Variants in AARSD1 observed in about 807,000 individuals in gnomAD.
AARSD1 encodes the protein alanyl-tRNA synthetase domain containing 1.
A neutral mutation model predicts 48.7 loss-of-function variants in AARSD1; 44 were observed. The ratio of observed to expected loss-of-function variants is 0.90; its 90% CI spans 0.71 to 1.16. The LOEUF (loss-of-function observed/expected upper bound fraction) is 1.16, where lower values mean the gene tolerates loss of function less well. Among genes scored for constraint, AARSD1 ranks in the 50% most tolerant of loss-of-function variants. AARSD1 has a pLI of 0.00. For missense variants in AARSD1, 511 were observed against 523.1 expected (o/e 0.98, Z 0.23); for synonymous variants, 189 against 194.9 (o/e 0.97, Z 0.25).
chr17:42,953,178 C>T (rs1277810118), intron 10 of AARSD1, among the ~76,000 whole-genome samples: 1 of 151,980 alleles, frequency 6.6e-6, no homozygotes, highest in African/African-American at 2.4e-5. Flanking sequence ...TAGGGTTTTA[C>T]CATGTTGCCC....
chr17:42,964,240 G>GCCC lies in AARSD1; in HGVS notation c.40-4_40-3insGGG. 3 of 1,610,294 alleles carry GCCC rather than the reference G, an allele frequency of 1.9e-6. No individual in the cohort carries two copies. In the South Asian group the frequency reaches 3.3e-5, roughly 18 times the overall value. On this transcript the variant is annotated splice_region_variant and splice_polypyrimidine_tract_variant and intron_variant, in intron 1 of 11. Coordinates refer to ENST00000427569, the MANE Select transcript of AARSD1 (RefSeq NM_001261434.2). ...CAGGAGACCACGGTGGTGGTGAACT[G>GCCC]AACAGAGAGGAATGAGAGAATAAGC...
chr17:42,954,263 C>T (rs980587712), intron 9 of AARSD1, among the ~76,000 whole-genome samples: 10 of 151,864 alleles, frequency 6.6e-5, no homozygotes, highest in African/African-American at 2.2e-4. Context: ...GGCTGAAGCA[C>T]GAGAACCGCT....
At chr17:42,956,122 C>T (rs1026348765) in intron 6 of AARSD1, 82 bp downstream of exon 6, 20 of 1,610,568 alleles carry the variant, frequency 1.2e-5, no homozygotes, top group Admixed American at 1.7e-5. Flanking sequence ...CTCGATTATC[C>T]CCCTCTCCCA....
At position 42,956,414 on chromosome 17, in the gene AARSD1, T is replaced by G. The variant is rs994013193; in HGVS notation, c.536A>C (p.Glu179Ala). The change falls in exon 5 of 12, where the codon GAG (glutamate) becomes GCG (alanine). Residue 179 changes from glutamate (E) to alanine (A), a missense_variant. Glu to Ala is a moderately radical substitution (Grantham distance 107). Coordinates refer to ENST00000427569, the MANE Select transcript of AARSD1 (RefSeq NM_001261434.2). ...TGGCTCTACCCTTACCTGCTCCACC[T>G]CAGGATCATCCAGGCTCAGTTCTCG... ...NVRELSLDDP[E>A]VEQVSGRGLP... The G allele has an allele frequency of 2.6e-5, 42 of 1,613,914 alleles. No homozygotes were observed. Among genetic ancestry groups the G allele is most frequent in the Non-Finnish European group, 9.3e-6 (11 of 1,180,016 alleles).
intron 11 of AARSD1, 106 bp from the exon 12 acceptor site, chr17:42,950,834 G>T: frequency 6.8e-7 from 1 of 1,463,578 alleles, no homozygotes; most frequent in Non-Finnish European, 9.0e-7. Flanking sequence ...GATAAGAAGA[G>T]TAGATGACTT....
At chr17:42,951,984 G>T in intron 10 of AARSD1, 90 bp from the exon 11 acceptor site, 1 of 1,400,282 alleles carries the variant, frequency 7.1e-7, no homozygotes, top group Non-Finnish European at 1.0e-6. Flanking sequence ...CTTAAGAATA[G>T]ATTATTTCCC....
Position 42,961,335 on chromosome 17 carries a change from G to C in AARSD1, c.188C>G (p.Thr63Arg). 5 of 1,614,078 alleles carry C rather than the reference G, an allele frequency of 3.1e-6. No individual in the cohort carries two copies. Among genetic ancestry groups the C allele is most frequent in the Non-Finnish European group, 4.2e-6 (5 of 1,179,986 alleles). Reference sequence around the variant, plus strand: ...TCTCAGCACAGAGATGTCATTGATTGTACCACGGTCATCAGGCTGGTGGAA... The same window carrying C: ...TCTCAGCACAGAGATGTCATTGATTCTACCACGGTCATCAGGCTGGTGGAA... ...EGGGQPDDRGTINDISVLRVT... is the reference protein window; with the variant it reads ...EGGGQPDDRGRINDISVLRVT... The change falls in exon 3 of 12, where the codon ACA (threonine) becomes AGA (arginine). Residue 63 changes from threonine to arginine, a missense_variant. By Grantham distance (71) the Thr-to-Arg change is moderately conservative. Coordinates refer to ENST00000427569, the MANE Select transcript of AARSD1 (RefSeq NM_001261434.2).
At position 42,956,571 on chromosome 17, in the gene AARSD1, T is replaced by C. The variant is rs756985404; in HGVS notation, c.390-11A>G. On this transcript the variant is annotated splice_polypyrimidine_tract_variant and intron_variant, in intron 4 of 11. Transcript: ENST00000427569. ...AATCTCCCTAACTCCCTGTCAGAAGTACAGTGGCCACAGATAACATATCTT... is the reference window on the plus strand; with the variant it reads ...AATCTCCCTAACTCCCTGTCAGAAGCACAGTGGCCACAGATAACATATCTT... 11 of 1,600,252 alleles carry C rather than the reference T, an allele frequency of 6.9e-6. No homozygotes were observed. The East Asian group carries it at 1.6e-4, about 23-fold the overall frequency.
chr17:42,956,465 AT>A lies in AARSD1; in HGVS notation c.484del (p.Ile162SerfsTer7). The A allele has an allele frequency of 6.2e-7, 1 of 1,613,722 alleles. No homozygotes were observed. Among genetic ancestry groups the A allele is most frequent in the Admixed American group, 1.7e-5 (1 of 59,952 alleles). The stretch of plus-strand genomic sequence containing the variant: ...GACATTCACAGGCAGCCGATCTCTG[AT>A]TTTTTCATTGACGCTCTGCTCAATG... ...AAIEQSVNEK[I>X]RDRLPVNVRE... is the part of the protein sequence containing the mutation. On this transcript the variant is annotated frameshift_variant, in exon 5 of 12. Coordinates refer to ENST00000427569, the MANE Select transcript of AARSD1 (RefSeq NM_001261434.2). LOFTEE classifies it high-confidence loss of function.
chr17:42,956,193 TC>T lies in AARSD1; in HGVS notation c.663+10del, dbSNP rs754268262. 3 of 1,613,988 alleles carry T rather than the reference TC, an allele frequency of 1.9e-6. No homozygotes were observed. In the South Asian group the frequency reaches 3.3e-5, roughly 18 times the overall value. On this transcript the variant is annotated intron_variant, in intron 6 of 11. Coordinates refer to ENST00000427569, the MANE Select transcript of AARSD1 (RefSeq NM_001261434.2). ...CTCTTCTCAGCCACTCCACAGCCGT[TC>T]CTCACTTACCTGAAGGTCACTGAGA...
At chr17:42,960,912 A>T in intron 3 of AARSD1, 1 of 336,184 alleles carries the variant, frequency 3.0e-6, no homozygotes, top group Non-Finnish European at 5.1e-6. Flanking sequence ...CATTTTGGAC[A>T]TTTTGAGTTT....
At chr17:42,964,282 GCC>G in intron 1 of AARSD1, 45 bp from the exon 2 acceptor site, 4 of 1,608,032 alleles carry the variant, frequency 2.5e-6, no homozygotes, top group African/African-American at 1.3e-5. Flanking sequence ...CCCAGCCCTA[GCC>G]CTAGCCCTCT....
intron 6 of AARSD1, 24 bp from the exon 7 acceptor site, chr17:42,955,996 C>A: frequency 1.2e-6 from 2 of 1,607,926 alleles, no homozygotes; most frequent in Non-Finnish European, 1.7e-6. Context: ...GGGGGTAACA[C>A]ACACACACAC....
At chr17:42,953,215 G>C (rs1400037728) in intron 10 of AARSD1, among the ~76,000 whole-genome samples, 1 of 151,848 alleles carries the variant, frequency 6.6e-6, no homozygotes, top group Non-Finnish European at 1.5e-5. Context: ...CCTGAGCTGA[G>C]GCAATCCACC....
intron 7 of AARSD1, 128 bp from the exon 8 acceptor site, chr17:42,955,352 G>A: frequency 8.3e-7 from 1 of 1,197,846 alleles, no homozygotes; most frequent in Non-Finnish European, 1.2e-6. Flanking sequence ...ATATTCTGAG[G>A]AGGTCTCTTA....
At chr17:42,957,272 T>G in intron 3 of AARSD1, 77 bp from the exon 4 acceptor site, 2 of 1,575,446 alleles carry the variant, frequency 1.3e-6, no homozygotes, top group Non-Finnish European at 1.7e-6. Flanking sequence ...TGAGCTACAA[T>G]GATAAAAGCA....
At chr17:42,962,761 G>A (rs2049655834) in intron 2 of AARSD1, among the ~76,000 whole-genome samples, 1 of 152,230 alleles carries the variant, frequency 6.6e-6, no homozygotes, top group African/African-American at 2.4e-5. Context: ...GGCCAGGGCA[G>A]TGGCTCACAC....
intron 8 of AARSD1, 42 bp downstream of exon 8, chr17:42,955,116 G>A: frequency 1.9e-6 from 3 of 1,613,888 alleles, no homozygotes; most frequent in Non-Finnish European, 2.5e-6. Context: ...GCCTATCCTA[G>A]GCAGGGCCCA....
rs759777722 is a variant in AARSD1, at chr17:42,957,196, C to T, written c.332-1G>A. ...GCAACTGCCGTGATGAGATGCTGCC[C>T]TAAGCAAAGAGAGCCAGAGACAGGA... On this transcript the variant is annotated splice_acceptor_variant, in intron 3 of 11. Transcript: ENST00000427569. LOFTEE classifies it high-confidence loss of function. 2 of 1,613,662 alleles carry T rather than the reference C, an allele frequency of 1.2e-6. No individual in the cohort carries two copies. The highest frequency in any genetic ancestry group is 1.7e-6 in the Non-Finnish European group (2 of 1,179,844).
Sources: allele counts gnomAD v4.1 joint callset (sites outside exome capture counted in the v4.1 genomes callset), GRCh38; gene constraint gnomAD v4.1.1; transcripts MANE v1.5; gene names NCBI Gene and HGNC (gene_info 2026-07-23, HGNC 2026-07-21).